The following FANK1 variants were observed in gnomAD, a reference collection of about 807,000 sequenced individuals.
FANK1 encodes the protein fibronectin type 3 and ankyrin repeat domains protein 1.
FANK1 carries 44 observed loss-of-function variants against 45.3 expected under a neutral mutation model. The ratio of observed to expected loss-of-function variants is 0.97; its 90% confidence interval spans 0.76 to 1.25. The LOEUF (loss-of-function observed/expected upper bound fraction) is 1.25. Among genes scored for constraint, FANK1 ranks in the 50% most tolerant of loss-of-function variants. The probability of loss-of-function intolerance (pLI) is 0.00; values close to 1 mark genes in which losing one functional copy is unlikely to be tolerated. For missense variants in FANK1, 391 were observed against 424.4 expected (o/e 0.92, Z 0.69); for synonymous variants, 149 against 152.5 (o/e 0.98, Z 0.17).
intron 1 of FANK1, among the ~76,000 whole-genome samples, chr10:125,905,691 C>G (rs949177032): frequency 5.3e-5 from 8 of 152,126 alleles, no homozygotes; most frequent in African/African-American, 1.9e-4. Flanking sequence ...TAACTCCCCC[C>G]TCTTGCACTC....
intron 1 of FANK1, among the ~76,000 whole-genome samples, chr10:125,953,467 A>G (rs1415058774): frequency 6.6e-6 from 1 of 152,122 alleles, no homozygotes; most frequent in Admixed American, 6.5e-5. Flanking sequence ...TTCTCACCAG[A>G]TCAGCTCTGT....
At chr10:125,902,317 G>A (rs1349351931) in intron 1 of FANK1, among the ~76,000 whole-genome samples, 1 of 152,202 alleles carries the variant, frequency 6.6e-6, no homozygotes, top group African/African-American at 2.4e-5. Context: ...GGTGGAAGAG[G>A]TCAGGGGACC....
chr10:126,001,616 C>A (rs947377123), intron 6 of FANK1, among the ~76,000 whole-genome samples: 1 of 152,134 alleles, frequency 6.6e-6, no homozygotes, highest in African/African-American at 2.4e-5. Context: ...GAGGGGAATT[C>A]TTATAGAGCA....
intron 1 of FANK1, among the ~76,000 whole-genome samples, chr10:125,975,677 C>A (rs1171240777): frequency 6.6e-6 from 1 of 151,952 alleles, no homozygotes; most frequent in African/African-American, 2.4e-5. Context: ...TGTTTAAGTT[C>A]TTTATGGATG....
At chr10:125,986,429 G>A (rs1431284104) in intron 2 of FANK1, among the ~76,000 whole-genome samples, 1 of 152,154 alleles carries the variant, frequency 6.6e-6, no homozygotes, top group Non-Finnish European at 1.5e-5. Flanking sequence ...AGTGAAGAAA[G>A]TCTTTGTAAA....
At chr10:125,966,409 C>T (rs1430128716) in intron 1 of FANK1, among the ~76,000 whole-genome samples, 2 of 152,076 alleles carry the variant, frequency 1.3e-5, no homozygotes, top group African/African-American at 2.4e-5. Context: ...ATTTTGAACA[C>T]GTCTTCCTGT....
At chr10:125,927,997 G>A (rs1564882212) in intron 1 of FANK1, among the ~76,000 whole-genome samples, 2 of 152,190 alleles carry the variant, frequency 1.3e-5, no homozygotes, top group African/African-American at 2.4e-5. Flanking sequence ...CACTCTGCCA[G>A]CTGTGGATGA....
chr10:125,952,206 AAAAG>A (rs1949282305), intron 1 of FANK1, among the ~76,000 whole-genome samples: 1 of 152,202 alleles, frequency 6.6e-6, no homozygotes, highest in African/African-American at 2.4e-5. Context: ...CTTTAAAAAA[AAAAG>A]CGTGGTGTGT....
intron 1 of FANK1, among the ~76,000 whole-genome samples, chr10:125,978,505 T>C (rs1205559645): frequency 1.3e-5 from 2 of 152,070 alleles, no homozygotes; most frequent in Non-Finnish European, 2.9e-5. Flanking sequence ...ATCTGTCAGA[T>C]GGACAGCTCG....
chr10:125,956,762 C>T (rs771133247), intron 1 of FANK1, among the ~76,000 whole-genome samples: 7 of 152,040 alleles, frequency 4.6e-5, no homozygotes, highest in African/African-American at 7.2e-5. Context: ...GGAGAATATC[C>T]GACAAGCCAG....
At chr10:125,995,645 A>T in intron 4 of FANK1, 147 bp downstream of exon 4, 2 of 670,430 alleles carry the variant, frequency 3.0e-6, no homozygotes, top group Non-Finnish European at 5.4e-6. Context: ...GTGTGAGTTA[A>T]TAAACCACAG....
At chr10:125,905,130 C>CAAAAAAAAA (rs11289535) in intron 1 of FANK1, among the ~76,000 whole-genome samples, 17 of 68,138 alleles carry the variant, frequency 2.5e-4, no homozygotes, top group East Asian at 4.4e-4. Context: ...GACTCTGTCC[C>CAAAAAAAAA]AAAAAAAAAA....
chr10:125,946,686 A>T lies in FANK1; in HGVS notation c.14-33475A>T, dbSNP rs967873446. ...GGAACCAAGTTGGAAAACACTCTGC[A>T]GGATATTATCCAGGAGAACTTCCCA... On this transcript the variant is annotated intron_variant, in intron 1 of 10. Transcript: ENST00000368693. Among the ~76,000 whole-genome samples the T allele has an allele frequency of 3.0e-3, 442 of 148,866 alleles. 1 individual carries two copies. The highest frequency in any genetic ancestry group is 0.011 in the African/African-American group (435 of 40,188).
intron 3 of FANK1, chr10:125,989,311 T>G: frequency 6.4e-7 from 1 of 1,550,820 alleles, no homozygotes; most frequent in African/African-American, 1.4e-5. Flanking sequence ...TTGTAAAAAT[T>G]AGGATGGTCA....
At chr10:125,990,662 C>T (rs571257176) in intron 3 of FANK1, among the ~76,000 whole-genome samples, 24 of 152,236 alleles carry the variant, frequency 1.6e-4, no homozygotes, top group African/African-American at 4.8e-4. Context: ...GGCTTCTGGC[C>T]GTCCTAGCCT....
intron 1 of FANK1, among the ~76,000 whole-genome samples, chr10:125,940,800 C>G (rs1250633657): frequency 6.6e-6 from 1 of 152,182 alleles, no homozygotes; most frequent in Non-Finnish European, 1.5e-5. Flanking sequence ...GCGTTGTGCC[C>G]CCTGCTTAAT....
At chr10:126,007,229 T>C (rs1953286374) in intron 7 of FANK1, 1 of 152,198 alleles carries the variant, frequency 6.6e-6, no homozygotes, top group Non-Finnish European at 1.5e-5. Context: ...GCGACTGACT[T>C]ATTCATTTGT....
In FANK1 at chr10:126,008,563, C is replaced by T; in HGVS notation, c.849+13C>T. On this transcript the variant is annotated intron_variant, in intron 8 of 10. Coordinates refer to ENST00000368693, the MANE Select transcript of FANK1 (RefSeq NM_145235.5). ...GACGCCCCTTATGGTAGGTCCTCCT[C>T]CCGAAAATAGGCAGTTTTCTACGTG... The T allele has an allele frequency of 1.3e-6, 2 of 1,592,112 alleles. No homozygotes were observed. Among genetic ancestry groups the T allele is most frequent in the South Asian group, 2.3e-5 (2 of 87,264 alleles).
intron 2 of FANK1, chr10:125,980,963 A>G (rs1027184839): frequency 6.6e-6 from 1 of 152,384 alleles, no homozygotes; most frequent in Non-Finnish European, 1.5e-5. Flanking sequence ...CTTGTTTTGT[A>G]TGCCACATAG....
Sources: allele counts gnomAD v4.1 joint callset (sites outside exome capture counted in the v4.1 genomes callset), GRCh38; gene constraint gnomAD v4.1.1; transcripts MANE v1.5; gene names NCBI Gene and HGNC (gene_info 2026-07-23, HGNC 2026-07-21).